The following PTPRD variants were observed in gnomAD, a reference collection of about 807,000 sequenced individuals.
PTPRD encodes protein tyrosine phosphatase receptor type D, also known as receptor-type tyrosine-protein phosphatase delta.
PTPRD carries 34 observed loss-of-function variants against 214.5 expected under a neutral mutation model. That is an observed-to-expected ratio of 0.16 (90% CI 0.12 to 0.21). The LOEUF (loss-of-function observed/expected upper bound fraction) is 0.21, where lower values mean the gene tolerates loss of function less well. Among genes scored for constraint, PTPRD ranks in the 10% least tolerant of loss-of-function variants. The probability of loss-of-function intolerance (pLI) is 1.00; values close to 1 mark genes in which losing one functional copy is unlikely to be tolerated. For missense variants in PTPRD, 2,545 were observed against 2,398.7 expected (o/e 1.06, Z -1.27); for synonymous variants, 1,128 against 845.7 (o/e 1.33, Z -5.79).
intron 2 of PTPRD, among the ~76,000 whole-genome samples, chr9:10,407,321 A>C (rs1242707700): frequency 1.3e-5 from 2 of 151,598 alleles, no homozygotes; most frequent in African/African-American, 4.8e-5. Context: ...ACACATAAGA[A>C]ATGCCACTCA....
In PTPRD at chr9:9,324,279, T is replaced by G. The variant is rs1445369497; in HGVS notation, c.-203+73170A>C. On this transcript the variant is annotated intron_variant, in intron 9 of 45. Transcript: ENST00000381196. ...GGAATCGCCACACTGTCTTCCGCAG[T>G]GGTTGAACTAGTTTACATTCCCACC... 2.0e-5 allele frequency among the ~76,000 whole-genome samples: 3 copies of G among 152,196 alleles called. No homozygotes were observed. The South Asian group carries it at 6.2e-4, about 32-fold the overall frequency.
At chr9:9,057,098 A>G (rs1279602990) in intron 10 of PTPRD, among the ~76,000 whole-genome samples, 1 of 152,208 alleles carries the variant, frequency 6.6e-6, no homozygotes, top group Non-Finnish European at 1.5e-5. Context: ...TTAAATAGCT[A>G]TACAAACATA....
At chr9:9,502,744 A>G (rs1053135435) in intron 8 of PTPRD, among the ~76,000 whole-genome samples, 4 of 152,084 alleles carry the variant, frequency 2.6e-5, no homozygotes, top group African/African-American at 7.2e-5. Flanking sequence ...TATTGTTTAT[A>G]AAAAAGGAGC....
At chr9:9,721,474 C>T (rs2097944410) in intron 7 of PTPRD, among the ~76,000 whole-genome samples, 1 of 151,982 alleles carries the variant, frequency 6.6e-6, no homozygotes, top group Admixed American at 6.6e-5. Flanking sequence ...CTATAGGGGG[C>T]ACAGGTTCAA....
intron 7 of PTPRD, among the ~76,000 whole-genome samples, chr9:9,631,633 C>A (rs922399750): frequency 6.6e-6 from 1 of 152,110 alleles, no homozygotes; most frequent in Non-Finnish European, 1.5e-5. Context: ...AGCGCAGACA[C>A]AAGCAATGTC....
intron 10 of PTPRD, among the ~76,000 whole-genome samples, chr9:9,071,298 T>C (rs996543400): frequency 3.3e-5 from 5 of 152,172 alleles, no homozygotes; most frequent in African/African-American, 4.8e-5. Context: ...TTAGTAAATA[T>C]GGCAAAGGTG....
chr9:9,715,079 G>A (rs1055530991), intron 7 of PTPRD, among the ~76,000 whole-genome samples: 1 of 152,096 alleles, frequency 6.6e-6, no homozygotes. Context: ...GAAGACCTGG[G>A]TTTATGCTGG....
chr9:10,089,365 A>G (rs2098402393), intron 3 of PTPRD, among the ~76,000 whole-genome samples: 1 of 151,594 alleles, frequency 6.6e-6, no homozygotes, highest in Non-Finnish European at 1.5e-5. Flanking sequence ...GATCTTGTAT[A>G]TGGAATAGAC....
chr9:10,044,069 T>A (rs2097345839), intron 3 of PTPRD, among the ~76,000 whole-genome samples: 1 of 151,750 alleles, frequency 6.6e-6, no homozygotes, highest in Non-Finnish European at 1.5e-5. Context: ...GTCTCAGGAA[T>A]GTCATGAAAG....
intron 11 of PTPRD, among the ~76,000 whole-genome samples, chr9:8,974,312 T>C (rs12336003): frequency 0.33 from 50,530 of 151,890 alleles, 9,572 homozygotes; most frequent in East Asian, 0.76. Flanking sequence ...GGAATCTTTT[T>C]CTTATTGCTT....
At position 9,691,665 on chromosome 9, in the gene PTPRD, G is replaced by C. The variant is rs536060558; in HGVS notation, c.-287+42868C>G. On this transcript the variant is annotated intron_variant, in intron 7 of 45. Coordinates refer to ENST00000381196, the MANE Select transcript of PTPRD (RefSeq NM_002839.4). The stretch of plus-strand genomic sequence containing the variant: ...CAGCTTTGGGGTTGTTGGATTGTAT[G>C]ACAGCTATATTTTTAGTTTTTTGAG... Among the ~76,000 whole-genome samples, 18 of 152,146 alleles carry C rather than the reference G, an allele frequency of 1.2e-4. 1 individual carries two copies. Among genetic ancestry groups the C allele is most frequent in the Admixed American group, 9.2e-4 (14 of 15,254 alleles).
intron 3 of PTPRD, among the ~76,000 whole-genome samples, chr9:10,048,011 T>A (rs1464626086): frequency 1.3e-5 from 2 of 152,216 alleles, no homozygotes; most frequent in Non-Finnish European, 2.9e-5. Context: ...TCCAGTTTCC[T>A]AAATAAGCAT....
chr9:8,412,212 G>T (rs767006668), intron 35 of PTPRD, among the ~76,000 whole-genome samples: 4 of 152,106 alleles, frequency 2.6e-5, no homozygotes, highest in Non-Finnish European at 4.4e-5. Context: ...TTTGAGTCCA[G>T]CCTGGGCAAC....
At chr9:8,909,340 C>T (rs1457644241) in intron 11 of PTPRD, among the ~76,000 whole-genome samples, 1 of 152,078 alleles carries the variant, frequency 6.6e-6, no homozygotes, top group Non-Finnish European at 1.5e-5. Context: ...TGCTTGTGGA[C>T]ATAGACACAA....
At chr9:8,343,209 A>G (rs1854202949) in intron 39 of PTPRD, among the ~76,000 whole-genome samples, 1 of 152,100 alleles carries the variant, frequency 6.6e-6, no homozygotes, top group Non-Finnish European at 1.5e-5. Flanking sequence ...TATCAAAGCT[A>G]GCTTGCATAC....
chr9:9,609,178 T>C (rs1301312534), intron 7 of PTPRD, among the ~76,000 whole-genome samples: 1 of 152,170 alleles, frequency 6.6e-6, no homozygotes, highest in Non-Finnish European at 1.5e-5. Context: ...TGAATCTACA[T>C]TGATTTATTA....
chr9:9,755,440 A>G (rs562638357), intron 6 of PTPRD, among the ~76,000 whole-genome samples: 8 of 152,074 alleles, frequency 5.3e-5, no homozygotes, highest in Non-Finnish European at 1.0e-4. Flanking sequence ...TTTTGGAAGA[A>G]TAAGGCAGAG....
Position 9,956,038 on chromosome 9 carries a change from C to A in PTPRD, c.-471-17428G>T, listed in dbSNP as rs575832530. Among the ~76,000 whole-genome samples the A allele has an allele frequency of 3.3e-5, 5 of 152,070 alleles. No homozygotes were observed. The South Asian group carries it at 8.3e-4, about 25-fold the overall frequency. On this transcript the variant is annotated intron_variant, in intron 4 of 45. Transcript: ENST00000381196. ...CACATTTATTTGCAAATGTACCAAC[C>A]CACTAACTGTTGATCACGTGTTAAA...
At chr9:8,735,152 G>GTTTTTTTTTTTTTTT in intron 11 of PTPRD, among the ~76,000 whole-genome samples, 1 of 125,484 alleles carries the variant, frequency 8.0e-6, no homozygotes, top group Non-Finnish European at 1.7e-5. Flanking sequence ...TTTTTTTTCT[G>GTTTTTTTTTTTTTTT]TTTTTTTTTT....
Sources: gnomAD v4.1 joint callset for allele counts (sites outside exome capture counted in the v4.1 genomes callset) on GRCh38, gnomAD v4.1.1 for gene constraint, MANE v1.5 for transcripts, NCBI Gene and HGNC (gene_info 2026-07-23, HGNC 2026-07-21) for gene names.